Variants in LPP observed in about 807,000 individuals in gnomAD.
The protein encoded by LPP is lipoma-preferred partner.
Under a neutral mutation model 60.4 loss-of-function variants are expected in LPP, and 38 were observed. The observed-to-expected ratio is 0.63, with a 90% confidence interval of 0.49 to 0.83. The LOEUF is 0.83. Ranked by LOEUF, LPP falls within the 40% of genes least tolerant of loss-of-function variation. The pLI is 0.00. For synonymous variants in LPP, 328 were observed against 290.8 expected, an observed-to-expected ratio of 1.13 and a Z score of -1.30; for missense variants, 902 against 783.6, an observed-to-expected ratio of 1.15 and a Z score of -1.80.
intron 7 of LPP, among the ~76,000 whole-genome samples, chr3:188,707,666 ATC>A (rs1255632542): frequency 6.6e-6 from 1 of 152,172 alleles, no homozygotes; most frequent in Non-Finnish European, 1.5e-5. Context: ...CTCATTTCCT[ATC>A]TCAAAGTTTA....
intron 2 of LPP, among the ~76,000 whole-genome samples, chr3:188,334,620 G>A (rs569428619): frequency 3.2e-4 from 48 of 152,000 alleles, no homozygotes; most frequent in Middle Eastern, 3.4e-3. Flanking sequence ...TAGTACAGAC[G>A]GGGTTTCATC....
chr3:188,859,363 A>G (rs1764627662), intron 9 of LPP, among the ~76,000 whole-genome samples: 1 of 152,166 alleles, frequency 6.6e-6, no homozygotes. Context: ...GTCATAGACC[A>G]CCACCATACT....
At chr3:188,651,040 T>C (rs774196696) in intron 7 of LPP, among the ~76,000 whole-genome samples, 5 of 152,194 alleles carry the variant, frequency 3.3e-5, no homozygotes, top group Non-Finnish European at 7.3e-5. Context: ...AATCATATTT[T>C]TAAATTTATA....
Position 188,879,838 on chromosome 3 carries a change from G to T in LPP, c.*5359G>T, listed in dbSNP as rs773696796. The T allele has an allele frequency of 1.1e-5, 2 of 180,710 alleles. No individual in the cohort carries two copies. Among genetic ancestry groups the T allele is most frequent in the African/African-American group, 2.4e-5 (1 of 42,396 alleles). 11.2% of individuals were successfully genotyped at this position (180,710 alleles called of 1,614,324 possible). A position where few individuals can be genotyped will look rare whatever the true frequency, so the allele number is the denominator to read the frequency against. On this transcript the variant is annotated 3_prime_UTR_variant, in exon 12 of 12. Transcript: ENST00000617246. Reference sequence around the variant, plus strand: ...TACTAAAATATTTTTCAGCAGGTTGGACAGCACCAGTTTTTCTTAGATCAC... The same window carrying T: ...TACTAAAATATTTTTCAGCAGGTTGTACAGCACCAGTTTTTCTTAGATCAC...
chr3:188,564,223 G>A (rs2150733166), intron 6 of LPP, among the ~76,000 whole-genome samples: 1 of 152,082 alleles, frequency 6.6e-6, no homozygotes, highest in South Asian at 2.1e-4. Context: ...CACCTTCCAT[G>A]CCATACTCCT....
At chr3:188,423,782 A>C (rs2889897) in intron 4 of LPP, among the ~76,000 whole-genome samples, 147,308 of 152,048 alleles carry the variant, frequency 0.97, 71,516 homozygotes, top group East Asian at 1. Flanking sequence ...TATCCTTCAC[A>C]TACTTTTTGA....
At chr3:188,196,145 T>C (rs1217820819) in intron 1 of LPP, among the ~76,000 whole-genome samples, 2 of 152,170 alleles carry the variant, frequency 1.3e-5, no homozygotes, top group Non-Finnish European at 2.9e-5. Flanking sequence ...CTCCCTAGCC[T>C]CTCCTTGGGG....
chr3:188,528,148 A>G (rs952615091), intron 6 of LPP, among the ~76,000 whole-genome samples: 1 of 152,060 alleles, frequency 6.6e-6, no homozygotes, highest in Non-Finnish European at 1.5e-5. Context: ...TGGGCCTTCC[A>G]GGTCATTTAG....
intron 9 of LPP, among the ~76,000 whole-genome samples, chr3:188,762,448 T>C (rs1732683619): frequency 6.6e-6 from 1 of 152,220 alleles, no homozygotes; most frequent in Non-Finnish European, 1.5e-5. Flanking sequence ...TGCAGTGAAA[T>C]TCACTGGGCT....
At chr3:188,167,829 G>A (rs1326739739) in intron 1 of LPP, among the ~76,000 whole-genome samples, 2 of 152,196 alleles carry the variant, frequency 1.3e-5, no homozygotes, top group African/African-American at 4.8e-5. Flanking sequence ...ACAGTCATTA[G>A]CAGTATGTGA....
chr3:188,379,178 G>A (rs1776178815), intron 3 of LPP, among the ~76,000 whole-genome samples: 1 of 151,734 alleles, frequency 6.6e-6, no homozygotes, highest in African/African-American at 2.4e-5. Flanking sequence ...GTTTGGTTTT[G>A]TCTGAAAGCA....
At chr3:188,873,147 GATTT>G (rs1768601051) in intron 11 of LPP, among the ~76,000 whole-genome samples, 1 of 152,202 alleles carries the variant, frequency 6.6e-6, no homozygotes, top group East Asian at 1.9e-4. Flanking sequence ...GAGTCATGGA[GATTT>G]ATTTATTTGT....
chr3:188,546,756 T>A (rs1054591135), intron 6 of LPP, among the ~76,000 whole-genome samples: 1 of 152,208 alleles, frequency 6.6e-6, no homozygotes, highest in African/African-American at 2.4e-5. Context: ...CAATTAACTC[T>A]TCCATATTGG....
chr3:188,273,297 G>A (rs1047730893), intron 2 of LPP, among the ~76,000 whole-genome samples: 6 of 152,150 alleles, frequency 3.9e-5, no homozygotes, highest in Admixed American at 1.3e-4. Flanking sequence ...AGGGCACCAC[G>A]ATGGAAAACA....
At chr3:188,440,090 C>T (rs1793399154) in intron 4 of LPP, among the ~76,000 whole-genome samples, 1 of 152,160 alleles carries the variant, frequency 6.6e-6, no homozygotes. Context: ...TCTGCAAGTT[C>T]TTTGGTTAAA....
chr3:188,420,069 T>C (rs1048929807), intron 4 of LPP, among the ~76,000 whole-genome samples: 3 of 151,560 alleles, frequency 2.0e-5, no homozygotes, highest in Non-Finnish European at 4.4e-5. Flanking sequence ...CTGAGGGTTC[T>C]ATCCATAGTT....
chr3:188,707,407 C>T (rs1865695390), intron 7 of LPP, among the ~76,000 whole-genome samples: 1 of 152,144 alleles, frequency 6.6e-6, no homozygotes, highest in Non-Finnish European at 1.5e-5. Flanking sequence ...GCCCCCCTGC[C>T]CAACCTGGCC....
chr3:188,593,608 C>T (rs1319218659), intron 6 of LPP, among the ~76,000 whole-genome samples: 1 of 152,112 alleles, frequency 6.6e-6, no homozygotes, highest in Non-Finnish European at 1.5e-5. Context: ...CACTCTTTCC[C>T]TCAAGTCCCC....
chr3:188,854,683 C>G (rs1763414729), intron 9 of LPP, among the ~76,000 whole-genome samples: 1 of 152,224 alleles, frequency 6.6e-6, no homozygotes, highest in Non-Finnish European at 1.5e-5. Context: ...TTATCCCTTT[C>G]TTTTGAAAGA....
Sources: gnomAD v4.1 joint callset for allele counts (sites outside exome capture counted in the v4.1 genomes callset) on GRCh38, gnomAD v4.1.1 for gene constraint, MANE v1.5 for transcripts, NCBI Gene and HGNC (gene_info 2026-07-23, HGNC 2026-07-21) for gene names.